EFCAB5: variants seen among roughly 807,000 people sequenced by gnomAD.
The protein encoded by EFCAB5 is EF-hand calcium-binding domain-containing protein 5.
In EFCAB5, 131 loss-of-function variants were observed where a neutral mutation model predicts 167.9. That is an observed-to-expected ratio of 0.78 (90% CI 0.68 to 0.90). The LOEUF is 0.90. Ranked by LOEUF, EFCAB5 falls within the 40% of genes least tolerant of loss-of-function variation. The pLI, the probability that EFCAB5 is intolerant of heterozygous loss-of-function variation, is 0.00. For missense variants in EFCAB5, 1,663 were observed against 1,745.2 expected, an observed-to-expected ratio of 0.95 and a Z score of 0.84; for synonymous variants, 574 against 602.8, an observed-to-expected ratio of 0.95 and a Z score of 0.70.
chr17:30,027,622 G>A (rs1400532516), intron 7 of EFCAB5, among the ~76,000 whole-genome samples: 1 of 152,000 alleles, frequency 6.6e-6, no homozygotes, highest in East Asian at 1.9e-4. Flanking sequence ...GGCATGCATC[G>A]AGGTATAGGG....
In EFCAB5 at chr17:30,092,132, T is replaced by C. The variant is rs369395117; in HGVS notation, c.4199T>C (p.Phe1400Ser). The change falls in exon 21 of 23, where the codon TTT (phenylalanine) becomes TCT (serine). Residue 1400 changes from phenylalanine to serine, a missense_variant. Phe to Ser is a radical substitution (Grantham distance 155). Transcript: ENST00000394835. ...FHPELEFSSD[F>S]GSWDKCKFYV... ...CCAGAGTTGGAATTTTCAAGTGACT[T>C]TGGAAGTTGGGATAAGTGTAAATTT... The C allele has an allele frequency of 3.7e-6, 6 of 1,613,302 alleles. No homozygotes were observed. In the African/African-American group the frequency reaches 6.7e-5, roughly 18 times the overall value.
intron 4 of EFCAB5, among the ~76,000 whole-genome samples, chr17:29,990,236 A>G (rs2068383815): frequency 1.3e-5 from 2 of 152,196 alleles, no homozygotes. Context: ...TGCTGTAGAT[A>G]AATGATTGAA....
At chr17:29,953,287 C>A (rs1261184676) in intron 3 of EFCAB5, among the ~76,000 whole-genome samples, 3 of 151,976 alleles carry the variant, frequency 2.0e-5, no homozygotes, top group Non-Finnish European at 4.4e-5. Context: ...TTCACAATTG[C>A]CACAAAAAAA....
chr17:29,951,438 T>C (rs986241533), intron 3 of EFCAB5, among the ~76,000 whole-genome samples: 3 of 151,936 alleles, frequency 2.0e-5, no homozygotes, highest in Admixed American at 6.6e-5. Flanking sequence ...CCTGGGATCA[T>C]GCCATTCTCC....
chr17:29,931,998 C>T (rs1425061887), intron 1 of EFCAB5, among the ~76,000 whole-genome samples: 1 of 152,116 alleles, frequency 6.6e-6, no homozygotes. Context: ...TTTCTAGTTC[C>T]AGCTCTAAAA....
chr17:29,935,794 C>T (rs2067240327), intron 1 of EFCAB5, among the ~76,000 whole-genome samples: 1 of 151,696 alleles, frequency 6.6e-6, no homozygotes, highest in South Asian at 2.1e-4. Flanking sequence ...ATTGGCCCCA[C>T]AGAGCTAAAA....
At chr17:30,011,454 A>C (rs1384342184) in intron 7 of EFCAB5, among the ~76,000 whole-genome samples, 1 of 152,198 alleles carries the variant, frequency 6.6e-6, no homozygotes, top group African/African-American at 2.4e-5. Flanking sequence ...ATGTTCTTCC[A>C]TTTGTTTGTG....
chr17:30,078,300 G>A lies in EFCAB5; in HGVS notation c.2823G>A (p.Leu941=). 6.2e-7 allele frequency: 1 copy of A among 1,613,976 alleles called. No individual in the cohort carries two copies. Reference sequence around the variant, plus strand: ...AACAATTTCAGAATTACATAGAATTGGTTGTGTCTGAACTCAGGGGCAATG... The same window carrying A: ...AACAATTTCAGAATTACATAGAATTAGTTGTGTCTGAACTCAGGGGCAATG... ...SSKQFQNYIE[L]VVSELRGNED... is the part of the protein sequence containing the mutation. Residue 941 remains leucine, a synonymous_variant, in exon 15 of 23, where the codon TTG becomes TTA. Coordinates refer to ENST00000394835, the MANE Select transcript of EFCAB5 (RefSeq NM_198529.4).
intron 4 of EFCAB5, among the ~76,000 whole-genome samples, chr17:29,982,116 G>T (rs1273495209): frequency 1.3e-5 from 2 of 152,122 alleles, no homozygotes; most frequent in Non-Finnish European, 2.9e-5. Context: ...GACTAATATG[G>T]ACATACTCCA....
intron 14 of EFCAB5, among the ~76,000 whole-genome samples, chr17:30,066,328 C>T (rs1411070582): frequency 2.6e-5 from 4 of 151,896 alleles, no homozygotes; most frequent in Non-Finnish European, 5.9e-5. Flanking sequence ...CAACATGCTC[C>T]CGAATGAGCA....
intron 4 of EFCAB5, among the ~76,000 whole-genome samples, chr17:29,989,653 C>G (rs2068368873): frequency 6.6e-6 from 1 of 151,636 alleles, no homozygotes; most frequent in Non-Finnish European, 1.5e-5. Flanking sequence ...AGTCAGTTAA[C>G]ATTCTCTATT....
At chr17:29,968,174 C>A (rs766708374) in intron 3 of EFCAB5, among the ~76,000 whole-genome samples, 2 of 152,190 alleles carry the variant, frequency 1.3e-5, no homozygotes, top group Non-Finnish European at 2.9e-5. Flanking sequence ...CTGCGCCCAG[C>A]CTTCCCTACC....
In EFCAB5 at chr17:30,091,875, T is replaced by G. The variant is rs2071204700; in HGVS notation, c.3942T>G (p.Ile1314Met). The change falls in exon 21 of 23, where the codon ATT becomes ATG. Residue 1314 changes from isoleucine (I) to methionine (M), a missense_variant. Coordinates refer to ENST00000394835, the MANE Select transcript of EFCAB5 (RefSeq NM_198529.4). ...GEIKKKYILE[I>M]ENVREVQRAG... The stretch of plus-strand genomic sequence containing the variant: ...GCTATCATTTTGTTATTCCAGAGAT[T>G]GAAAATGTCAGGGAAGTCCAGCGGG... The G allele has an allele frequency of 6.2e-7, 1 of 1,613,262 alleles. No individual in the cohort carries two copies. Among genetic ancestry groups the G allele is most frequent in the African/African-American group, 1.3e-5 (1 of 75,026 alleles).
chr17:30,077,516 G>A (rs79714885), intron 14 of EFCAB5, among the ~76,000 whole-genome samples: 1 of 152,110 alleles, frequency 6.6e-6, no homozygotes, highest in Non-Finnish European at 1.5e-5. Context: ...GAATGGAATA[G>A]GGCAGATCAT....
chr17:30,002,670 C>T (rs540210882), intron 7 of EFCAB5, among the ~76,000 whole-genome samples: 2 of 152,182 alleles, frequency 1.3e-5, no homozygotes, highest in South Asian at 4.1e-4. Context: ...ATTGTTCTTC[C>T]TTCCCGATGT....
Position 29,943,633 on chromosome 17 carries a change from T to C in EFCAB5, c.174T>C (p.Asp58=). 1.3e-6 allele frequency: 2 copies of C among 1,578,580 alleles called. No individual in the cohort carries two copies. Among genetic ancestry groups the C allele is most frequent in the East Asian group, 2.3e-5 (1 of 43,314 alleles). ...ACAGTGTGGTGGAGAAAGCAATGGA[T>C]GAAATCAAATCCCAAGGTAGAGAAC... The part of the protein sequence containing the change: ...DTNSVVEKAM[D]EIKSQELNLE... The change falls in exon 3 of 23, where the codon GAT becomes GAC. Residue 58 remains aspartate, a synonymous_variant. Transcript: ENST00000394835.
At chr17:29,972,964 C>T (rs1393297808) in intron 4 of EFCAB5, 1 of 153,236 alleles carries the variant, frequency 6.5e-6, no homozygotes, top group Admixed American at 6.5e-5. Context: ...TTCACACCAG[C>T]TATTCAGGGT....
chr17:30,074,151 G>C (rs2070819918), intron 14 of EFCAB5: 1 of 152,150 alleles, frequency 6.6e-6, no homozygotes, highest in African/African-American at 2.4e-5. Context: ...TTTTGGGGGA[G>C]ACAGAGTCTC....
chr17:29,936,268 G>A (rs1394413548), intron 1 of EFCAB5, among the ~76,000 whole-genome samples: 1 of 151,986 alleles, frequency 6.6e-6, no homozygotes, highest in Non-Finnish European at 1.5e-5. Flanking sequence ...AGAACACTTG[G>A]ACACAGGAAG....
Sources: allele counts gnomAD v4.1 joint callset (sites outside exome capture counted in the v4.1 genomes callset), GRCh38; gene constraint gnomAD v4.1.1; transcripts MANE v1.5; gene names NCBI Gene and HGNC (gene_info 2026-07-23, HGNC 2026-07-21).